The following CAPS2 variants were observed in gnomAD, a reference collection of about 807,000 sequenced individuals.
CAPS2 encodes calcyphosin-2.
A neutral mutation model predicts 86.5 loss-of-function variants in CAPS2; 98 were observed. That is an observed-to-expected ratio of 1.13 (90% CI 0.96 to 1.34). CAPS2 has a LOEUF of 1.34. CAPS2 is among the 40% of genes most tolerant of loss of function. The pLI is 0.00. For missense variants in CAPS2, 729 were observed against 686.8 expected (o/e 1.06, Z -0.69); for synonymous variants, 210 against 225.1 (o/e 0.93, Z 0.60).
chr12:75,306,100 A>C, intron 7 of CAPS2: 1 of 1,374,120 alleles, frequency 7.3e-7, no homozygotes, highest in East Asian at 2.3e-5. Context: ...CCCTGGAAGA[A>C]GCACTCCACC....
At chr12:75,292,432 T>C (rs1346555367) in intron 12 of CAPS2, among the ~76,000 whole-genome samples, 2 of 151,918 alleles carry the variant, frequency 1.3e-5, no homozygotes, top group Non-Finnish European at 2.9e-5. Flanking sequence ...TTAAAAGCAA[T>C]TTTACCTTGC....
At chr12:75,298,836 C>T in intron 10 of CAPS2, 35 bp downstream of exon 10, 1 of 1,589,676 alleles carries the variant, frequency 6.3e-7, no homozygotes. Flanking sequence ...CGGAAGTGAA[C>T]ATCTCCAGAG....
intron 1 of CAPS2, chr12:75,370,122 G>T (rs1247627123): frequency 6.2e-7 from 1 of 1,608,158 alleles, no homozygotes; most frequent in Admixed American, 1.7e-5. Context: ...GAGCACCTCA[G>T]CAGACAGCCT....
chr12:75,280,010 A>G (rs1408014092), intron 16 of CAPS2, among the ~76,000 whole-genome samples: 1 of 151,882 alleles, frequency 6.6e-6, no homozygotes, highest in Non-Finnish European at 1.5e-5. Flanking sequence ...CACCCAGGAA[A>G]TATCTACCTC....
chr12:75,366,523 C>T (rs12372516), intron 1 of CAPS2, among the ~76,000 whole-genome samples: 44,958 of 152,036 alleles, frequency 0.3, 7,813 homozygotes, highest in East Asian at 0.45. Flanking sequence ...ACTAGTAAAC[C>T]TGGCATGCCC....
intron 1 of CAPS2, among the ~76,000 whole-genome samples, chr12:75,351,736 G>A (rs1481962211): frequency 7.9e-5 from 12 of 152,100 alleles, no homozygotes; most frequent in African/African-American, 2.2e-4. Context: ...TAGTACAGAC[G>A]GGGTTTTGCC....
intron 7 of CAPS2, chr12:75,306,262 G>A (rs1056016082): frequency 6.4e-6 from 4 of 628,688 alleles, no homozygotes; most frequent in Non-Finnish European, 1.1e-5. Flanking sequence ...TCCTGGCCAG[G>A]CAGGCCTTCC....
intron 8 of CAPS2, among the ~76,000 whole-genome samples, chr12:75,302,789 A>G (rs938677214): frequency 3.3e-5 from 5 of 152,240 alleles, no homozygotes; most frequent in Non-Finnish European, 5.9e-5. Flanking sequence ...GTACTCAACT[A>G]CATTAGTCTC....
intron 7 of CAPS2, chr12:75,305,510 T>A (rs2038352381): frequency 1.6e-6 from 1 of 609,626 alleles, no homozygotes; most frequent in Non-Finnish European, 3.1e-6. Flanking sequence ...AGCTCCGAGG[T>A]GCATAGCAAC....
chr12:75,377,057 T>C (rs2044689189), intron 1 of CAPS2, among the ~76,000 whole-genome samples: 2 of 152,330 alleles, frequency 1.3e-5, no homozygotes, highest in African/African-American at 4.8e-5. Flanking sequence ...AAACTCCTTG[T>C]TTCTCAAGAG....
intron 11 of CAPS2, among the ~76,000 whole-genome samples, chr12:75,293,691 T>C (rs962286262): frequency 1.3e-5 from 2 of 152,166 alleles, no homozygotes; most frequent in Admixed American, 6.5e-5. Context: ...ATAGAGCTAA[T>C]GGCCTACAGA....
At chr12:75,301,609 ATAAATTT>A (rs1309935435) in intron 8 of CAPS2, among the ~76,000 whole-genome samples, 2 of 152,216 alleles carry the variant, frequency 1.3e-5, no homozygotes, top group Non-Finnish European at 1.5e-5. Flanking sequence ...CATTTTTCAA[ATAAATTT>A]TACAGAAACA....
Position 75,378,080 on chromosome 12 carries a change from C to A in CAPS2, c.-395+12758G>T, listed in dbSNP as rs933766381. Among the ~76,000 whole-genome samples the A allele has an allele frequency of 2.0e-5, 3 of 152,126 alleles. No individual in the cohort carries two copies. The East Asian group carries it at 5.8e-4, about 29-fold the overall frequency. ...TGGTGCAATTTTGGCTCACTGCAAC[C>A]TCCACCTACCAGGCTCAAGCAATTC... On this transcript the variant is annotated intron_variant, in intron 1 of 5. Transcript: ENST00000551829.
intron 1 of CAPS2, chr12:75,363,314 C>T (rs543066960): frequency 2.2e-4 from 92 of 409,098 alleles, no homozygotes; most frequent in African/African-American, 7.9e-4. Flanking sequence ...TGTTATCTTA[C>T]GATATAAATC....
chr12:75,282,338 T>G, exon 16 of CAPS2: 1 of 1,591,108 alleles, frequency 6.3e-7, no homozygotes, highest in Non-Finnish European at 8.6e-7. Context: ...AAATCCAGTT[T>G]CATAAAGGCC....
At chr12:75,351,509 A>G (rs2042808074) in intron 1 of CAPS2, among the ~76,000 whole-genome samples, 1 of 152,042 alleles carries the variant, frequency 6.6e-6, no homozygotes, top group South Asian at 2.1e-4. Context: ...CCTAAAAACC[A>G]GAAGAGATTG....
chr12:75,279,047 T>C, exon 17 of CAPS2: 1 of 1,597,564 alleles, frequency 6.3e-7, no homozygotes, highest in Non-Finnish European at 8.5e-7. Context: ...TGATTTGATT[T>C]CTTCCTCTGT....
chr12:75,299,820 A>T lies in CAPS2; in HGVS notation c.854+17T>A, dbSNP rs1006120818. On this transcript the variant is annotated intron_variant, in intron 9 of 16. Coordinates refer to ENST00000393284, the Ensembl canonical transcript of CAPS2. ...TTATAATCATAGGATTAAAAATTTT[A>T]ATAAAATCACAATTACCGTGATACG... 19 of 1,343,752 alleles carry T rather than the reference A, an allele frequency of 1.4e-5. No homozygotes were observed. The highest frequency in any genetic ancestry group is 1.9e-5 in the Non-Finnish European group (18 of 966,634). 83.2% of individuals were successfully genotyped at this position (1,343,752 alleles called of 1,614,324 possible).
At chr12:75,291,250 C>A (rs2138282645) in intron 13 of CAPS2, among the ~76,000 whole-genome samples, 1 of 151,188 alleles carries the variant, frequency 6.6e-6, no homozygotes, top group East Asian at 2.0e-4. Flanking sequence ...CCCAGTCTAG[C>A]TTTTTTTTCT....
Sources: gnomAD v4.1 joint callset for allele counts (sites outside exome capture counted in the v4.1 genomes callset) on GRCh38, gnomAD v4.1.1 for gene constraint, MANE v1.5 for transcripts, NCBI Gene and HGNC (gene_info 2026-07-23, HGNC 2026-07-21) for gene names.